SCD5: variants seen among roughly 807,000 people sequenced by gnomAD.
The protein encoded by SCD5 is stearoyl-CoA desaturase 5, also known as acyl-CoA-desaturase 4.
A neutral mutation model predicts 30.4 loss-of-function variants in SCD5; 20 were observed. The ratio of observed to expected loss-of-function variants is 0.66; its 90% confidence interval spans 0.46 to 0.96. The LOEUF (loss-of-function observed/expected upper bound fraction) is 0.96, where lower values mean the gene tolerates loss of function less well. Ranked by LOEUF, SCD5 falls within the 40% of genes least tolerant of loss-of-function variation. SCD5 has a pLI of 0.00. For missense variants in SCD5, 381 were observed against 443.3 expected (o/e 0.86, Z 1.26); for synonymous variants, 173 against 176.4 (o/e 0.98, Z 0.16).
At chr4:82,742,603 A>G (rs1402041514) in intron 1 of SCD5, among the ~76,000 whole-genome samples, 2 of 152,152 alleles carry the variant, frequency 1.3e-5, no homozygotes, top group Non-Finnish European at 2.9e-5. Context: ...CCTGGCCAAC[A>G]TGGCAAAACT....
chr4:82,653,443 A>G (rs1436128536), intron 3 of SCD5, among the ~76,000 whole-genome samples: 1 of 152,174 alleles, frequency 6.6e-6, no homozygotes, highest in Non-Finnish European at 1.5e-5. Context: ...TTTTCTCTGG[A>G]AACACTTGAC....
intron 1 of SCD5, among the ~76,000 whole-genome samples, chr4:82,722,555 G>C (rs1002389461): frequency 2.6e-5 from 4 of 152,162 alleles, no homozygotes; most frequent in African/African-American, 9.7e-5. Flanking sequence ...CCTGAGGTCA[G>C]GGGTTCGAGA....
chr4:82,676,764 C>CTAGG (rs1728445029), intron 3 of SCD5, among the ~76,000 whole-genome samples: 1 of 152,198 alleles, frequency 6.6e-6, no homozygotes, highest in African/African-American at 2.4e-5. Flanking sequence ...GTCATAAGAC[C>CTAGG]TAGGACAGGG....
At chr4:82,786,918 C>T (rs973785821) in intron 1 of SCD5, among the ~76,000 whole-genome samples, 1 of 151,396 alleles carries the variant, frequency 6.6e-6, no homozygotes, top group African/African-American at 2.4e-5. Context: ...AGGTTTTACA[C>T]AATGGCTATG....
intron 3 of SCD5, among the ~76,000 whole-genome samples, chr4:82,638,674 C>T (rs548417313): frequency 7.9e-5 from 12 of 152,260 alleles, no homozygotes; most frequent in African/African-American, 2.4e-4. Context: ...CTCAGCAAGG[C>T]GCTGTTACAT....
chr4:82,701,451 C>T (rs529646204), intron 2 of SCD5, among the ~76,000 whole-genome samples: 73 of 151,864 alleles, frequency 4.8e-4, no homozygotes, highest in African/African-American at 1.6e-3. Flanking sequence ...TCAATAATTA[C>T]TTTAAGTGTG....
At chr4:82,782,443 AAGC>A (rs1721892317) in intron 1 of SCD5, among the ~76,000 whole-genome samples, 1 of 152,024 alleles carries the variant, frequency 6.6e-6, no homozygotes, top group African/African-American at 2.4e-5. Context: ...CCTTCCTGGG[AAGC>A]AGCTGCTGCC....
intron 3 of SCD5, among the ~76,000 whole-genome samples, chr4:82,651,564 G>A (rs541653824): frequency 1.3e-3 from 200 of 152,184 alleles, no homozygotes; most frequent in Non-Finnish European, 2.0e-3. Context: ...CACCACTGAA[G>A]AACTTATCCA....
chr4:82,646,700 C>T (rs1050077619), intron 3 of SCD5, among the ~76,000 whole-genome samples: 1 of 152,200 alleles, frequency 6.6e-6, no homozygotes, highest in Non-Finnish European at 1.5e-5. Flanking sequence ...AGATGCATGG[C>T]CTGCATCTTC....
At chr4:82,664,993 C>CTA (rs1247846017) in intron 3 of SCD5, among the ~76,000 whole-genome samples, 1,215 of 86,554 alleles carry the variant, frequency 0.014, 4 homozygotes, top group East Asian at 0.027. Context: ...CTCTCTCTCT[C>CTA]TCTCTCTATA....
At chr4:82,713,326 T>C (rs370872270) in intron 1 of SCD5, among the ~76,000 whole-genome samples, 7 of 75,706 alleles carry the variant, frequency 9.2e-5, no homozygotes, top group African/African-American at 1.7e-4. Context: ...ATTTACAGCT[T>C]ATATAGCAAT....
chr4:82,765,169 T>C (rs535848809), intron 1 of SCD5, among the ~76,000 whole-genome samples: 5 of 152,362 alleles, frequency 3.3e-5, no homozygotes, highest in South Asian at 2.1e-4. Flanking sequence ...ATGTTTGTTG[T>C]AGTGCATGTC....
chr4:82,716,724 G>C (rs1200068687), intron 1 of SCD5, among the ~76,000 whole-genome samples: 3 of 151,888 alleles, frequency 2.0e-5, no homozygotes, highest in South Asian at 2.1e-4. Flanking sequence ...TGAGGCAGGA[G>C]AATCACTTGT....
chr4:82,699,554 T>A (rs1017119673), intron 2 of SCD5, among the ~76,000 whole-genome samples: 4 of 42,328 alleles, frequency 9.5e-5, no homozygotes, highest in African/African-American at 4.7e-4. Context: ...CTGGCTAATT[T>A]TGTTTTTTGT....
intron 3 of SCD5, among the ~76,000 whole-genome samples, chr4:82,652,457 A>C (rs1015364903): frequency 6.6e-6 from 1 of 152,234 alleles, no homozygotes; most frequent in Non-Finnish European, 1.5e-5. Context: ...AGTGTAACTC[A>C]GTAGAAAGAG....
At chr4:82,776,265 T>C (rs1370842695) in intron 1 of SCD5, among the ~76,000 whole-genome samples, 1 of 152,234 alleles carries the variant, frequency 6.6e-6, no homozygotes, top group Non-Finnish European at 1.5e-5. Context: ...CATAGTGTTT[T>C]CATGGGGAAG....
intron 3 of SCD5, among the ~76,000 whole-genome samples, chr4:82,653,707 T>TAGATAGATAGATATAC (rs34976357): frequency 1.6e-5 from 1 of 61,630 alleles, no homozygotes; most frequent in Non-Finnish European, 3.5e-5. Context: ...GATAGATAGA[T>TAGATAGATAGATATAC]ATAGATAGAT....
chr4:82,639,651 C>G (rs1727501382), intron 3 of SCD5, among the ~76,000 whole-genome samples: 1 of 152,168 alleles, frequency 6.6e-6, no homozygotes, highest in South Asian at 2.1e-4. Flanking sequence ...GGCTGAGGAC[C>G]TGGGAGCTGG....
At chr4:82,661,181 T>C in intron 3 of SCD5, 1 of 969,670 alleles carries the variant, frequency 1.0e-6, no homozygotes, top group South Asian at 1.4e-5. Context: ...TAACAAAACC[T>C]TGCATCTCTC....
Sources: gnomAD v4.1 joint callset for allele counts (sites outside exome capture counted in the v4.1 genomes callset) on GRCh38, gnomAD v4.1.1 for gene constraint, MANE v1.5 for transcripts, NCBI Gene and HGNC (gene_info 2026-07-23, HGNC 2026-07-21) for gene names.